SHROOM4: variants seen among roughly 807,000 people sequenced by gnomAD.
SHROOM4 encodes the protein protein Shroom4.
Under a neutral mutation model 80.3 loss-of-function variants are expected in SHROOM4, and 17 were observed. The ratio of observed to expected loss-of-function variants is 0.21; its 90% confidence interval spans 0.14 to 0.32. The LOEUF (loss-of-function observed/expected upper bound fraction) is 0.32. Among genes scored for constraint, SHROOM4 ranks in the 10% least tolerant of loss-of-function variants. The probability of loss-of-function intolerance (pLI) is 1.00; values close to 1 mark genes in which losing one functional copy is unlikely to be tolerated. For missense variants in SHROOM4, 993 were observed against 1,140.3 expected (o/e 0.87, Z 1.86); for synonymous variants, 400 against 437.5 (o/e 0.91, Z 1.07).
Position 50,607,485 on chromosome X carries a change from T to A in SHROOM4, c.3657A>T (p.Ile1219=), listed in dbSNP as rs782666684. The A allele has an allele frequency of 7.4e-6, 9 of 1,209,087 alleles. No homozygotes were observed. Among genetic ancestry groups the A allele is most frequent in the Non-Finnish European group, 1.0e-5 (9 of 894,963 alleles). The change falls in exon 6 of 9, where the codon ATA becomes ATT. Residue 1219 remains isoleucine (I), a synonymous_variant. Coordinates refer to ENST00000376020, the MANE Select transcript of SHROOM4 (RefSeq NM_020717.5). ...ALHSSDFLPP[I]RGHLGSQPEQ... Reference sequence around the variant, plus strand: ...CAGGTTGAGATCCCAAGTGACCCCTTATTGGAGGCAAGAAATCACTGGAAT... The same window carrying A: ...CAGGTTGAGATCCCAAGTGACCCCTAATTGGAGGCAAGAAATCACTGGAAT...
Position 50,635,562 on chromosome X carries a change from C to G in SHROOM4, c.511G>C (p.Glu171Gln), listed in dbSNP as rs1557255899. Residue 171 changes from glutamate (E) to glutamine (Q), a missense_variant, in exon 4 of 9, where the codon GAG (glutamate) becomes CAG (glutamine). Physicochemically the swap from Glu to Gln is conservative, Grantham distance 29 (BLOSUM62 2). Transcript: ENST00000376020. Reference protein sequence around the residue: ...SLEQPGQATYESHLLPIDQNM... With the variant: ...SLEQPGQATYQSHLLPIDQNM... ...TGGTCAATAGGCAACAGATGGCTCT[C>G]ATAGGTGGCTTGGCCTGGTTGCTCC... is the stretch of plus-strand genomic sequence containing the variant. 1.7e-6 allele frequency: 2 copies of G among 1,210,174 alleles called. No homozygotes were observed. Among genetic ancestry groups the G allele is most frequent in the Non-Finnish European group, 2.2e-6 (2 of 895,219 alleles).
chrX:50,638,414 T>C, intron 2 of SHROOM4, 106 bp from the exon 3 acceptor site: 1 of 1,010,787 alleles, frequency 9.9e-7, no homozygotes, highest in South Asian at 2.2e-5. Context: ...AAGTAGAACA[T>C]CTTGCAAGGA....
rs1330944528 is a variant in SHROOM4 at position 50,652,263 on chromosome X, ATGAT to A, written c.270-13959_270-13956del. On this transcript the variant is annotated intron_variant, in intron 2 of 8. Transcript: ENST00000376020. The stretch of plus-strand genomic sequence containing the variant: ...GCATCTGTTGTTTCCTGACTTTTTA[ATGAT>A]TGCCATTCTAACTGGAGTGAGATGG... Among the ~76,000 whole-genome samples the A allele has an allele frequency of 6.3e-5, 7 of 111,922 alleles. No individual in the cohort carries two copies. The Admixed American group carries it at 6.6e-4, about 11-fold the overall frequency.
chrX:50,734,339 A>G (rs1243200075), intron 1 of SHROOM4, among the ~76,000 whole-genome samples: 2 of 111,952 alleles, frequency 1.8e-5, no homozygotes, highest in Admixed American at 1.9e-4. Context: ...AAAAAGAAGA[A>G]TAAAGTACGA....
At chrX:50,756,146 TC>T (rs1392186475) in intron 1 of SHROOM4, among the ~76,000 whole-genome samples, 1 of 111,534 alleles carries the variant, frequency 9.0e-6, no homozygotes. Flanking sequence ...TTATATTCAG[TC>T]CCCATTCCTA....
rs1430014745 is a variant in SHROOM4 at position 50,602,793 on chromosome X, G to A, written c.3782C>T (p.Ser1261Leu). 6.6e-6 allele frequency: 8 copies of A among 1,210,199 alleles called. No homozygotes were observed. The highest frequency in any genetic ancestry group is 1.8e-5 in the South Asian group (1 of 56,908). The stretch of plus-strand genomic sequence containing the variant: ...GATTCCTGGGGCCCCTGAAGGAGGC[G>A]AAAAGTGCTGAAACTCTTGTCTGTG... ...ESAKQEFQHF[S>L]PPSGAPGIPT... is the part of the protein sequence containing the mutation. The change falls in exon 7 of 9, where the codon TCG (serine) becomes TTG (leucine). Residue 1261 changes from serine (S) to leucine (L), a missense_variant. Ser to Leu is a moderately radical substitution (Grantham distance 145). Transcript: ENST00000376020.
chrX:50,633,300 G>A lies in SHROOM4; in HGVS notation c.2773C>T (p.Arg925Trp), dbSNP rs782753421. 7 of 1,209,004 alleles carry A rather than the reference G, an allele frequency of 5.8e-6. No homozygotes were observed. Among genetic ancestry groups the A allele is most frequent in the South Asian group, 3.5e-5 (2 of 56,623 alleles). ...CGAATGCATTGGTGGTGGTGGCACC[G>A]GCAGTTGTAGCAATTTGGCATCATA... ...RNMMPNCYNC[R>W]CHHHQCIRCS... is the part of the protein sequence containing the mutation. The change falls in exon 4 of 9, where the codon CGG (arginine) becomes TGG (tryptophan). Residue 925 changes from arginine (R) to tryptophan (W), a missense_variant. By Grantham distance (101) the Arg-to-Trp change is moderately radical. Transcript: ENST00000376020.
At chrX:50,722,646 A>ATCTCTC (rs371067544) in intron 1 of SHROOM4, among the ~76,000 whole-genome samples, 3 of 105,516 alleles carry the variant, frequency 2.8e-5, no homozygotes, top group Admixed American at 2.0e-4. Context: ...CCTTCCTTTC[A>ATCTCTC]TCTCTCTCTC....
rs1557273752 is a variant in SHROOM4 at position 50,813,940 on chromosome X, C to G, written c.79G>C (p.Gly27Arg). ...AGCGGCTCACAGTGTTCCAGACCCC[C>G]CTTAAGGGTGAAGCCCCAGGGTGCC... ...GGAPWGFTLK[G>R]GLEHCEPLTV... The change falls in exon 1 of 9, where the codon GGG becomes CGG. Residue 27 changes from glycine to arginine, a missense_variant. Coordinates refer to ENST00000376020, the MANE Select transcript of SHROOM4 (RefSeq NM_020717.5). 8.3e-7 allele frequency: 1 copy of G among 1,207,414 alleles called. No individual in the cohort carries two copies. The highest frequency in any genetic ancestry group is 1.7e-5 in the African/African-American group (1 of 57,590).
At chrX:50,669,591 G>A (rs1204621505) in intron 2 of SHROOM4, among the ~76,000 whole-genome samples, 4 of 111,572 alleles carry the variant, frequency 3.6e-5, no homozygotes, top group African/African-American at 9.8e-5. Context: ...GTGAGCCACC[G>A]TGCCTGGCCT....
At chrX:50,715,682 A>C (rs949673337) in intron 1 of SHROOM4, among the ~76,000 whole-genome samples, 1 of 111,166 alleles carries the variant, frequency 9.0e-6, no homozygotes, top group Non-Finnish European at 1.9e-5. Context: ...TCAAAAAAAC[A>C]AGAGTGAAGT....
intron 1 of SHROOM4, among the ~76,000 whole-genome samples, chrX:50,736,372 C>T (rs1214368728): frequency 1.8e-5 from 2 of 110,960 alleles, no homozygotes; most frequent in Admixed American, 9.6e-5. Context: ...TTAAGCCCAG[C>T]GTGCATTAGC....
intron 1 of SHROOM4, 78 bp from the exon 2 acceptor site, chrX:50,696,015 C>A: frequency 8.9e-7 from 1 of 1,117,453 alleles, no homozygotes. Context: ...TCTTCCAACC[C>A]TGGAGCCACA....
intron 6 of SHROOM4, among the ~76,000 whole-genome samples, chrX:50,607,161 T>G (rs1929703989): frequency 8.9e-6 from 1 of 111,958 alleles, no homozygotes. Context: ...ATGTACTATG[T>G]GCTAAGCATG....
chrX:50,797,323 A>G (rs981255444), intron 1 of SHROOM4, among the ~76,000 whole-genome samples: 5 of 112,195 alleles, frequency 4.5e-5, no homozygotes, highest in African/African-American at 1.6e-4. Flanking sequence ...ATTAAATACA[A>G]TGTGGCTGTT....
intron 2 of SHROOM4, among the ~76,000 whole-genome samples, chrX:50,660,892 C>T (rs1932486543): frequency 9.1e-6 from 1 of 110,097 alleles, no homozygotes. Flanking sequence ...GTTGGAATTA[C>T]AGGCATGAGA....
intron 1 of SHROOM4, among the ~76,000 whole-genome samples, chrX:50,760,583 C>T (rs1018021020): frequency 9.0e-6 from 1 of 111,208 alleles, no homozygotes; most frequent in African/African-American, 3.3e-5. Context: ...AGCAATCCTC[C>T]TGCCTCAGCC....
At chrX:50,717,509 C>T (rs782357897) in intron 1 of SHROOM4, among the ~76,000 whole-genome samples, 101 of 112,576 alleles carry the variant, frequency 9.0e-4, no homozygotes, top group Middle Eastern at 4.6e-3. Flanking sequence ...GGGTGAACCA[C>T]CATACCTGGC....
At chrX:50,631,905 C>T (rs1258552169) in intron 4 of SHROOM4, among the ~76,000 whole-genome samples, 1 of 111,565 alleles carries the variant, frequency 9.0e-6, no homozygotes, top group Admixed American at 9.6e-5. Flanking sequence ...AAGTTGAATA[C>T]AGCAGTATAC....
Sources: allele counts gnomAD v4.1 joint callset (sites outside exome capture counted in the v4.1 genomes callset), GRCh38; gene constraint gnomAD v4.1.1; transcripts MANE v1.5; gene names NCBI Gene and HGNC (gene_info 2026-07-23, HGNC 2026-07-21).